The following DOCK7 variants were observed in gnomAD, a reference collection of about 807,000 sequenced individuals.
DOCK7 encodes dedicator of cytokinesis protein 7.
In DOCK7, 138 loss-of-function variants were observed where a neutral mutation model predicts 271.0. That is an observed-to-expected ratio of 0.51 (90% CI 0.44 to 0.59). DOCK7 has a LOEUF of 0.59. Ranked by LOEUF, DOCK7 falls within the 20% of genes least tolerant of loss-of-function variation. The pLI is 0.00. For synonymous variants in DOCK7, 823 were observed against 876.1 expected, an observed-to-expected ratio of 0.94 and a Z score of 1.07; for missense variants, 2,066 against 2,592.4, an observed-to-expected ratio of 0.80 and a Z score of 4.41.
At chr1:62,543,092 T>C (rs551098350) in intron 24 of DOCK7, among the ~76,000 whole-genome samples, 105 of 152,244 alleles carry the variant, frequency 6.9e-4, no homozygotes, top group Middle Eastern at 6.8e-3. Flanking sequence ...ATTTAGGAAA[T>C]ACATTTTAAA....
At chr1:62,524,343 T>A (rs1273682432) in intron 31 of DOCK7, among the ~76,000 whole-genome samples, 2 of 152,204 alleles carry the variant, frequency 1.3e-5, no homozygotes, top group Non-Finnish European at 2.9e-5. Flanking sequence ...ACCCACAGTC[T>A]ATGACCCAAC....
At chr1:62,462,293 T>C (rs1262334093) in intron 48 of DOCK7, among the ~76,000 whole-genome samples, 1 of 152,122 alleles carries the variant, frequency 6.6e-6, no homozygotes, top group East Asian at 1.9e-4. Context: ...GAAAAATTGA[T>C]TCTAAAATTT....
chr1:62,636,324 C>A (rs942602713), intron 8 of DOCK7, among the ~76,000 whole-genome samples: 1 of 152,094 alleles, frequency 6.6e-6, no homozygotes, highest in African/African-American at 2.4e-5. Context: ...CTGCTATTTG[C>A]TTTTAACACT....
intron 22 of DOCK7, among the ~76,000 whole-genome samples, chr1:62,552,509 G>A (rs1438468538): frequency 1.3e-5 from 2 of 152,124 alleles, no homozygotes; most frequent in African/African-American, 4.8e-5. Flanking sequence ...TGCAACTAGT[G>A]ATTCCAGACA....
chr1:62,496,066 C>T (rs1028338901), intron 38 of DOCK7, among the ~76,000 whole-genome samples: 2 of 152,056 alleles, frequency 1.3e-5, no homozygotes, highest in East Asian at 1.9e-4. Flanking sequence ...TAAGTAGGAA[C>T]GTTTCATCAT....
At chr1:62,624,345 T>C (rs1653667260) in intron 12 of DOCK7, among the ~76,000 whole-genome samples, 1 of 152,230 alleles carries the variant, frequency 6.6e-6, no homozygotes, top group African/African-American at 2.4e-5. Flanking sequence ...GGGTGTCATC[T>C]ACTAAGCTAA....
At chr1:62,666,603 C>CT (rs1398751087) in intron 1 of DOCK7, among the ~76,000 whole-genome samples, 1 of 152,166 alleles carries the variant, frequency 6.6e-6, no homozygotes, top group Admixed American at 6.5e-5. Flanking sequence ...TAAAAAAACT[C>CT]TATCTCTTAA....
rs188818941 is a variant in DOCK7, at chr1:62,578,704, A to G, written c.2010+124T>C. 14 of 962,248 alleles carry G rather than the reference A, an allele frequency of 1.5e-5. No homozygotes were observed. In the African/African-American group the frequency reaches 2.8e-4, roughly 20 times the overall value. The allele number at this position is 962,248 out of a possible 1,614,324, so 59.6% of individuals were successfully genotyped here. On this transcript the variant is annotated intron_variant, in intron 17 of 49. Coordinates refer to ENST00000635253, the MANE Select transcript of DOCK7 (RefSeq NM_001367561.1). Reference sequence around the variant, plus strand: ...GCCACTGCACTCCAGCCTGGGAGACAGAGACTCTGTCTCAAAAAAAAAAAA... The same window carrying G: ...GCCACTGCACTCCAGCCTGGGAGACGGAGACTCTGTCTCAAAAAAAAAAAA...
At chr1:62,478,309 G>A (rs1338318491) in intron 43 of DOCK7, 1 of 152,318 alleles carries the variant, frequency 6.6e-6, no homozygotes, top group Non-Finnish European at 1.5e-5. Context: ...TAAAAGTTAG[G>A]AGTCAAAGAT....
intron 13 of DOCK7, among the ~76,000 whole-genome samples, chr1:62,619,292 T>G (rs1245072212): frequency 6.6e-6 from 1 of 152,250 alleles, no homozygotes. Flanking sequence ...TATTTACCAT[T>G]CTATTACCAT....
intron 42 of DOCK7, chr1:62,488,472 T>C (rs1189281343): frequency 6.2e-6 from 1 of 161,746 alleles, no homozygotes; most frequent in Non-Finnish European, 1.3e-5. Flanking sequence ...TATCAAAGGA[T>C]GATTGTAAAC....
intron 25 of DOCK7, among the ~76,000 whole-genome samples, chr1:62,542,196 T>A (rs1339373686): frequency 6.6e-6 from 1 of 152,132 alleles, no homozygotes; most frequent in East Asian, 1.9e-4. Flanking sequence ...TGTTTTTTTA[T>A]TGATTGTAAC....
chr1:62,625,188 A>G (rs1298197984), intron 12 of DOCK7, 71 bp downstream of exon 12: 6 of 1,526,968 alleles, frequency 3.9e-6, no homozygotes, highest in East Asian at 2.3e-5. Flanking sequence ...TAGTACAATC[A>G]CTACCTTTCT....
intron 1 of DOCK7, among the ~76,000 whole-genome samples, chr1:62,686,894 C>G (rs908587759): frequency 6.1e-5 from 9 of 148,036 alleles, no homozygotes; most frequent in Non-Finnish European, 9.0e-5. Context: ...AAAAAAAAAG[C>G]CTCTGCCTCG....
At chr1:62,638,177 A>G (rs751588613) in intron 7 of DOCK7, 2 of 152,066 alleles carry the variant, frequency 1.3e-5, no homozygotes, top group Non-Finnish European at 2.9e-5. Flanking sequence ...CTCTTTCCTC[A>G]TGAATTTGTT....
intron 38 of DOCK7, among the ~76,000 whole-genome samples, 174 bp downstream of exon 38, chr1:62,496,165 G>A (rs1646616482): frequency 6.6e-6 from 1 of 152,110 alleles, no homozygotes; most frequent in South Asian, 2.1e-4. Context: ...TTTCCAAAAA[G>A]AAGGGTAGCT....
chr1:62,657,047 G>A (rs1256192328), intron 2 of DOCK7, among the ~76,000 whole-genome samples: 2 of 152,182 alleles, frequency 1.3e-5, no homozygotes, highest in African/African-American at 4.8e-5. Context: ...AGTCTCAGTA[G>A]AGACCACTAA....
rs1406839365 is a variant in DOCK7 at position 62,633,569 on chromosome 1, C to T, written c.1045G>A (p.Val349Ile). The T allele has an allele frequency of 1.2e-6, 2 of 1,611,908 alleles. No homozygotes were observed. Among genetic ancestry groups the T allele is most frequent in the Middle Eastern group, 1.6e-4 (1 of 6,076 alleles). ...DVFLVIKLEK[V>I]LQQGDIGECA... Reference sequence around the variant, plus strand: ...TCTCCAATGTCTCCTTGCTGTAGGACTTTTTCTAGCTGTCAAAGGCAAAAA... The same window carrying T: ...TCTCCAATGTCTCCTTGCTGTAGGATTTTTTCTAGCTGTCAAAGGCAAAAA... The change falls in exon 10 of 50, where the codon GTC becomes ATC. Residue 349 changes from valine to isoleucine, a missense_variant. Coordinates refer to ENST00000635253, the MANE Select transcript of DOCK7 (RefSeq NM_001367561.1).
intron 29 of DOCK7, among the ~76,000 whole-genome samples, chr1:62,533,870 C>T (rs376875311): frequency 1.3e-5 from 2 of 151,948 alleles, no homozygotes; most frequent in East Asian, 3.9e-4. Flanking sequence ...TTGCATGAGG[C>T]TAAACTGCAT....
Sources: gnomAD v4.1 joint callset for allele counts (sites outside exome capture counted in the v4.1 genomes callset) on GRCh38, gnomAD v4.1.1 for gene constraint, MANE v1.5 for transcripts, NCBI Gene and HGNC (gene_info 2026-07-23, HGNC 2026-07-21) for gene names.